The following STPG2 variants were observed in gnomAD, a reference collection of about 807,000 sequenced individuals.
STPG2 encodes sperm-tail PG-rich repeat-containing protein 2.
In STPG2, 56 loss-of-function variants were observed where a neutral mutation model predicts 54.2. The ratio of observed to expected loss-of-function variants is 1.03; its 90% CI spans 0.83 to 1.29. STPG2 has a LOEUF of 1.29. Among genes scored for constraint, STPG2 ranks in the 50% most tolerant of loss-of-function variants. The pLI is 0.00. For synonymous variants in STPG2, 200 were observed against 181.8 expected, an observed-to-expected ratio of 1.10 and a Z score of -0.81; for missense variants, 596 against 544.9, an observed-to-expected ratio of 1.09 and a Z score of -0.93.
intron 9 of STPG2, among the ~76,000 whole-genome samples, chr4:97,727,766 A>C (rs1724668775): frequency 6.6e-6 from 1 of 151,684 alleles, no homozygotes; most frequent in Admixed American, 6.6e-5. Flanking sequence ...TGTTTGTGTA[A>C]ATTAATTTAA....
chr4:97,645,764 A>C (rs2148949134), intron 10 of STPG2, among the ~76,000 whole-genome samples: 1 of 152,198 alleles, frequency 6.6e-6, no homozygotes, highest in South Asian at 2.1e-4. Context: ...GCAGTAGTTA[A>C]ATTAGTTACA....
chr4:98,053,042 A>C (rs969552506), intron 5 of STPG2, among the ~76,000 whole-genome samples: 7 of 152,180 alleles, frequency 4.6e-5, no homozygotes, highest in African/African-American at 1.7e-4. Flanking sequence ...GGACTGATGA[A>C]ACATTAGAAA....
At chr4:97,909,401 A>G (rs1482948246) in intron 8 of STPG2, among the ~76,000 whole-genome samples, 1 of 152,184 alleles carries the variant, frequency 6.6e-6, no homozygotes, top group Non-Finnish European at 1.5e-5. Context: ...AAATTCAACA[A>G]CAATCTCACA....
At chr4:97,919,355 A>G (rs1732009426) in intron 8 of STPG2, among the ~76,000 whole-genome samples, 1 of 151,552 alleles carries the variant, frequency 6.6e-6, no homozygotes, top group African/African-American at 2.4e-5. Context: ...ATAGAAATTA[A>G]ATATATAATA....
chr4:97,802,800 A>C (rs1000975345), intron 9 of STPG2, among the ~76,000 whole-genome samples: 3 of 152,154 alleles, frequency 2.0e-5, no homozygotes, highest in Non-Finnish European at 4.4e-5. Flanking sequence ...CCACGTATAC[A>C]TATTGACACA....
intron 7 of STPG2, among the ~76,000 whole-genome samples, chr4:97,958,984 C>T (rs1449010592): frequency 1.3e-5 from 2 of 152,014 alleles, no homozygotes; most frequent in African/African-American, 4.8e-5. Context: ...ATGAAACAAG[C>T]CTCAATAAAT....
rs554547878 is a variant in STPG2, at chr4:98,140,869, G to A, written c.109+2173C>T. On this transcript the variant is annotated intron_variant, in intron 1 of 10. Transcript: ENST00000295268. Reference sequence around the variant, plus strand: ...AAAGTGATTGGCAGTGTTGAAAGCCGAAAGATTAGGAGAAAGCTCACCTTA... The same window carrying A: ...AAAGTGATTGGCAGTGTTGAAAGCCAAAAGATTAGGAGAAAGCTCACCTTA... 1.2e-4 allele frequency among the ~76,000 whole-genome samples: 18 copies of A among 152,260 alleles called. No individual in the cohort carries two copies. In the East Asian group the frequency reaches 2.3e-3, roughly 20 times the overall value.
intron 9 of STPG2, among the ~76,000 whole-genome samples, chr4:97,786,634 T>A (rs183070013): frequency 1.3e-5 from 2 of 152,094 alleles, no homozygotes; most frequent in African/African-American, 4.8e-5. Context: ...TTTAAAGAAC[T>A]CTGCATGAAA....
intron 8 of STPG2, among the ~76,000 whole-genome samples, chr4:97,841,217 A>G (rs1409566242): frequency 6.6e-6 from 1 of 151,742 alleles, no homozygotes; most frequent in Non-Finnish European, 1.5e-5. Context: ...TATTCAATTT[A>G]ATCCTGAAAA....
At chr4:98,054,648 C>T (rs1737427949) in intron 5 of STPG2, among the ~76,000 whole-genome samples, 1 of 152,050 alleles carries the variant, frequency 6.6e-6, no homozygotes, top group African/African-American at 2.4e-5. Flanking sequence ...CATCTTGCAT[C>T]CATCCAGAAA....
chr4:97,634,684 G>A (rs1171055940), intron 10 of STPG2, among the ~76,000 whole-genome samples: 1 of 152,018 alleles, frequency 6.6e-6, no homozygotes, highest in African/African-American at 2.4e-5. Context: ...CGAGAACTAG[G>A]TGAAGAATGC....
intron 10 of STPG2, among the ~76,000 whole-genome samples, chr4:97,646,209 T>C (rs1721908164): frequency 6.6e-6 from 1 of 152,162 alleles, no homozygotes. Context: ...CAATTTTTAG[T>C]TTTGCTTAGG....
intron 10 of STPG2, among the ~76,000 whole-genome samples, chr4:97,695,095 A>AT (rs1189272734): frequency 6.6e-6 from 1 of 151,774 alleles, no homozygotes; most frequent in Non-Finnish European, 1.5e-5. Flanking sequence ...CTCCAAAAAA[A>AT]AAAAATAGTA....
chr4:97,969,500 CT>C (rs1245031853), intron 7 of STPG2, among the ~76,000 whole-genome samples: 2 of 152,170 alleles, frequency 1.3e-5, no homozygotes, highest in African/African-American at 2.4e-5. Flanking sequence ...AGTGACCCCC[CT>C]GGACCCAGCT....
At chr4:97,862,252 T>A (rs1468177729) in intron 8 of STPG2, among the ~76,000 whole-genome samples, 2 of 151,238 alleles carry the variant, frequency 1.3e-5, no homozygotes, top group African/African-American at 4.9e-5. Flanking sequence ...TGGAGGAAGA[T>A]CTACCAAGCA....
intron 5 of STPG2, among the ~76,000 whole-genome samples, chr4:98,037,768 T>C (rs1385635413): frequency 6.6e-6 from 1 of 152,020 alleles, no homozygotes; most frequent in Admixed American, 6.6e-5. Context: ...AAGAACAAAA[T>C]ACATAAATCA....
chr4:97,800,707 G>T (rs1727365290), intron 9 of STPG2, among the ~76,000 whole-genome samples: 2 of 152,168 alleles, frequency 1.3e-5, no homozygotes, highest in South Asian at 2.1e-4. Flanking sequence ...TCTCTTCAAA[G>T]CTGTCAGACA....
At chr4:97,705,801 T>G (rs1483039709) in intron 10 of STPG2, among the ~76,000 whole-genome samples, 2 of 151,936 alleles carry the variant, frequency 1.3e-5, no homozygotes, top group African/African-American at 2.4e-5. Flanking sequence ...ATAGAGATTT[T>G]TCATTTTGGA....
intron 4 of STPG2, among the ~76,000 whole-genome samples, chr4:97,465,063 C>G (rs1016000147): frequency 3.3e-5 from 5 of 152,084 alleles, no homozygotes; most frequent in African/African-American, 1.2e-4. Flanking sequence ...AGGATTCAGG[C>G]TAGGAGAACT....
Sources: gnomAD v4.1 joint callset for allele counts (sites outside exome capture counted in the v4.1 genomes callset) on GRCh38, gnomAD v4.1.1 for gene constraint, MANE v1.5 for transcripts, NCBI Gene and HGNC (gene_info 2026-07-23, HGNC 2026-07-21) for gene names.